Variants in TNIK observed in about 807,000 individuals in gnomAD.
TNIK encodes TRAF2 and NCK interacting kinase.
TNIK carries 49 observed loss-of-function variants against 191.3 expected under a neutral mutation model. The observed-to-expected ratio is 0.26, with a 90% CI of 0.20 to 0.32. TNIK has a LOEUF of 0.32. TNIK is among the 10% of genes least tolerant of loss of function. TNIK has a pLI of 1.00. For missense variants in TNIK, 1,155 were observed against 1,702.3 expected (o/e 0.68, Z 5.66); for synonymous variants, 594 against 600.9 (o/e 0.99, Z 0.17).
In TNIK at chr3:171,384,996, A is replaced by G. The variant is rs138820445; in HGVS notation, c.58-15311T>C. 4.7e-3 allele frequency among the ~76,000 whole-genome samples: 714 copies of G among 152,322 alleles called. 1 individual carries two copies. Among genetic ancestry groups the G allele is most frequent in the Non-Finnish European group, 7.2e-3 (493 of 68,030 alleles). On this transcript the variant is annotated intron_variant, in intron 1 of 32. Coordinates refer to ENST00000436636, the MANE Select transcript of TNIK (RefSeq NM_015028.4). ...AGAATGAAGGAATTTTGCCAAATACAAAGAAATGATTAAGTCGGTGTTTAT... is the reference window on the plus strand; with the variant it reads ...AGAATGAAGGAATTTTGCCAAATACGAAGAAATGATTAAGTCGGTGTTTAT...
At chr3:171,236,921 C>T (rs138858799) in intron 2 of TNIK, among the ~76,000 whole-genome samples, 9 of 151,946 alleles carry the variant, frequency 5.9e-5, no homozygotes, top group African/African-American at 1.7e-4. Flanking sequence ...ACCACAGACA[C>T]GATAGGCTGG....
chr3:171,240,058 TA>T (rs769763405), intron 2 of TNIK, among the ~76,000 whole-genome samples: 5 of 152,168 alleles, frequency 3.3e-5, no homozygotes, highest in Non-Finnish European at 7.4e-5. Context: ...GATTTATAGT[TA>T]AATTTAGCTG....
At chr3:171,435,793 C>T (rs1051087091) in intron 1 of TNIK, among the ~76,000 whole-genome samples, 4 of 152,114 alleles carry the variant, frequency 2.6e-5, no homozygotes, top group Admixed American at 1.3e-4. Flanking sequence ...AAGCAAGAAA[C>T]ACACATTATT....
chr3:171,255,560 AG>A (rs1746750114), intron 2 of TNIK, among the ~76,000 whole-genome samples: 1 of 152,244 alleles, frequency 6.6e-6, no homozygotes, highest in South Asian at 2.1e-4. Context: ...AGGTAGCCTA[AG>A]TACTTATCCA....
chr3:171,263,349 C>A (rs867300036), intron 2 of TNIK, among the ~76,000 whole-genome samples: 1 of 152,028 alleles, frequency 6.6e-6, no homozygotes, highest in African/African-American at 2.4e-5. Flanking sequence ...TCAAATTTAA[C>A]TTTTGGAATA....
chr3:171,154,973 C>A (rs1382801326), intron 12 of TNIK, among the ~76,000 whole-genome samples: 1 of 152,212 alleles, frequency 6.6e-6, no homozygotes, highest in African/African-American at 2.4e-5. Flanking sequence ...GCCAAATCCA[C>A]ATGGTTACTC....
intron 2 of TNIK, among the ~76,000 whole-genome samples, chr3:171,268,958 C>T (rs1748746436): frequency 6.6e-6 from 1 of 152,112 alleles, no homozygotes; most frequent in African/African-American, 2.4e-5. Flanking sequence ...AGTATATTCA[C>T]CCACAAGTAG....
chr3:171,389,333 T>C (rs1485437540), intron 1 of TNIK, among the ~76,000 whole-genome samples: 2 of 152,186 alleles, frequency 1.3e-5, no homozygotes, highest in Non-Finnish European at 2.9e-5. Flanking sequence ...AAAAGCTCAT[T>C]TCACCAAGTC....
At chr3:171,343,999 G>C (rs1431618135) in intron 2 of TNIK, among the ~76,000 whole-genome samples, 1 of 152,142 alleles carries the variant, frequency 6.6e-6, no homozygotes, top group Non-Finnish European at 1.5e-5. Context: ...AACTGAATGT[G>C]TTTCCTCCCT....
intron 19 of TNIK, among the ~76,000 whole-genome samples, chr3:171,108,887 A>T (rs1462391033): frequency 2.0e-5 from 3 of 152,184 alleles, no homozygotes; most frequent in African/African-American, 7.2e-5. Flanking sequence ...AGTGAATAGC[A>T]TCTTTGCAGT....
chr3:171,232,221 A>G (rs1743741259), intron 2 of TNIK, among the ~76,000 whole-genome samples: 1 of 152,030 alleles, frequency 6.6e-6, no homozygotes, highest in Admixed American at 6.6e-5. Flanking sequence ...GCAGTGTTGC[A>G]CGTCTGTACA....
intron 1 of TNIK, among the ~76,000 whole-genome samples, chr3:171,391,590 C>T (rs1445032318): frequency 6.6e-6 from 1 of 152,186 alleles, no homozygotes; most frequent in African/African-American, 2.4e-5. Flanking sequence ...CCCTAGAAGT[C>T]CAAAACCCCT....
At chr3:171,382,744 G>C (rs1158627039) in intron 1 of TNIK, among the ~76,000 whole-genome samples, 1 of 152,184 alleles carries the variant, frequency 6.6e-6, no homozygotes, top group Non-Finnish European at 1.5e-5. Flanking sequence ...TACTTGGATA[G>C]CTGATGAATG....
intron 4 of TNIK, among the ~76,000 whole-genome samples, chr3:171,203,395 T>C (rs905387191): frequency 2.0e-5 from 3 of 152,186 alleles, no homozygotes; most frequent in East Asian, 1.9e-4. Flanking sequence ...ATACATGAAA[T>C]TGAGTATGTA....
intron 1 of TNIK, among the ~76,000 whole-genome samples, chr3:171,402,507 A>T (rs1405233785): frequency 6.6e-6 from 1 of 152,242 alleles, no homozygotes; most frequent in African/African-American, 2.4e-5. Context: ...CAGTACTCAC[A>T]GTTTCCAAAA....
At chr3:171,255,541 T>C (rs1472126508) in intron 2 of TNIK, among the ~76,000 whole-genome samples, 2 of 152,106 alleles carry the variant, frequency 1.3e-5, no homozygotes, top group Non-Finnish European at 2.9e-5. Context: ...AGAGGCAAAT[T>C]TCCAAAAAAG....
At chr3:171,200,724 C>A (rs964301109) in intron 4 of TNIK, among the ~76,000 whole-genome samples, 1 of 152,218 alleles carries the variant, frequency 6.6e-6, no homozygotes, top group Non-Finnish European at 1.5e-5. Flanking sequence ...CTAAACTTCC[C>A]TTTCCTGCCC....
intron 1 of TNIK, among the ~76,000 whole-genome samples, chr3:171,408,943 A>C (rs1036996036): frequency 6.6e-6 from 1 of 152,146 alleles, no homozygotes; most frequent in African/African-American, 2.4e-5. Flanking sequence ...AAGAGTAAAA[A>C]GCATCTCTCA....
intron 1 of TNIK, among the ~76,000 whole-genome samples, chr3:171,445,435 A>C (rs563180161): frequency 6.6e-6 from 1 of 151,922 alleles, no homozygotes; most frequent in East Asian, 1.9e-4. Context: ...AAAAAAAAAA[A>C]AGTTGAGAGA....
Sources: gnomAD v4.1 joint callset for allele counts (sites outside exome capture counted in the v4.1 genomes callset) on GRCh38, gnomAD v4.1.1 for gene constraint, MANE v1.5 for transcripts, NCBI Gene and HGNC (gene_info 2026-07-23, HGNC 2026-07-21) for gene names.